SOX5: variants seen among roughly 807,000 people sequenced by gnomAD.
SOX5 encodes the protein SRY-box transcription factor 5.
A neutral mutation model predicts 92.0 loss-of-function variants in SOX5; 9 were observed. The ratio of observed to expected loss-of-function variants is 0.10; its 90% CI spans 0.06 to 0.17. SOX5 has a LOEUF of 0.17. Ranked by LOEUF, SOX5 falls within the 10% of genes least tolerant of loss-of-function variation. The pLI, the probability that SOX5 is intolerant of heterozygous loss-of-function variation, is 1.00. For synonymous variants in SOX5, 344 were observed against 336.3 expected, an observed-to-expected ratio of 1.02 and a Z score of -0.25; for missense variants, 642 against 944.5, an observed-to-expected ratio of 0.68 and a Z score of 4.20.
intron 1 of SOX5, among the ~76,000 whole-genome samples, chr12:24,481,536 A>G (rs1162628679): frequency 6.6e-6 from 1 of 152,210 alleles, no homozygotes; most frequent in Non-Finnish European, 1.5e-5. Context: ...TGTACCCCAT[A>G]AATATATATA....
At chr12:24,282,703 C>T (rs893170001) in intron 2 of SOX5, among the ~76,000 whole-genome samples, 1 of 152,160 alleles carries the variant, frequency 6.6e-6, no homozygotes. Context: ...ACAAAACCCT[C>T]GAAGGATGGT....
intron 8 of SOX5, among the ~76,000 whole-genome samples, chr12:23,631,734 C>T (rs1044341531): frequency 2.6e-5 from 4 of 151,994 alleles, no homozygotes; most frequent in Non-Finnish European, 2.9e-5. Context: ...TTTATTTAAT[C>T]GACCATTACA....
chr12:24,339,642 A>C (rs1439671041), intron 2 of SOX5, among the ~76,000 whole-genome samples: 1 of 152,236 alleles, frequency 6.6e-6, no homozygotes, highest in Non-Finnish European at 1.5e-5. Context: ...ATGATTGTAT[A>C]AAAGAAAACT....
At chr12:24,204,049 C>T (rs1957785067) in intron 4 of SOX5, among the ~76,000 whole-genome samples, 1 of 152,014 alleles carries the variant, frequency 6.6e-6, no homozygotes, top group African/African-American at 2.4e-5. Context: ...CTCCCTATTC[C>T]CATTCTCTCT....
Position 24,153,955 on chromosome 12 carries a change from G to A in SOX5, c.-2+59388C>T, listed in dbSNP as rs145653865. Among the ~76,000 whole-genome samples the A allele has an allele frequency of 1.8e-3, 276 of 152,176 alleles. 2 individuals carry two copies. The highest frequency in any genetic ancestry group is 6.3e-3 in the African/African-American group (263 of 41,548). ...CTCTCCCCAATCCCTGAGACCTTCA[G>A]TCTCTCTCTAGAAGTAAATTCGGAG... On this transcript the variant is annotated intron_variant, in intron 4 of 4. Transcript: ENST00000446891.
intron 4 of SOX5, among the ~76,000 whole-genome samples, chr12:24,210,842 T>C (rs1434518290): frequency 6.6e-6 from 1 of 152,350 alleles, no homozygotes; most frequent in East Asian, 1.9e-4. Flanking sequence ...TTATTAAATC[T>C]ATTTTTACTC....
At chr12:23,888,301 G>A (rs148484456) in intron 2 of SOX5, among the ~76,000 whole-genome samples, 43 of 152,138 alleles carry the variant, frequency 2.8e-4, no homozygotes, top group African/African-American at 9.9e-4. Flanking sequence ...CCATTACCAC[G>A]GCATTGGAAG....
At chr12:24,480,398 A>T (rs4441108) in intron 1 of SOX5, among the ~76,000 whole-genome samples, 95,503 of 151,974 alleles carry the variant, frequency 0.63, 30,898 homozygotes, top group East Asian at 0.98. Context: ...AAAGCAAAAA[A>T]GAACAAATGA....
Position 23,619,211 on chromosome 12 carries a change from T to C in SOX5, c.1018-14678A>G, listed in dbSNP as rs529716835. On this transcript the variant is annotated intron_variant, in intron 8 of 14. Transcript: ENST00000451604. ...CACATACAAATATTAGTTTTGGCTCTTTGAGTATACAAATTATGCTAAATA... is the reference window on the plus strand; with the variant it reads ...CACATACAAATATTAGTTTTGGCTCCTTGAGTATACAAATTATGCTAAATA... Among the ~76,000 whole-genome samples, 15 of 152,280 alleles carry C rather than the reference T, an allele frequency of 9.9e-5. No individual in the cohort carries two copies. In the East Asian group the frequency reaches 2.9e-3, roughly 29 times the overall value.
At chr12:23,779,814 T>TATATATATACACACACACAC (rs777013504) in intron 3 of SOX5, among the ~76,000 whole-genome samples, 5 of 110,810 alleles carry the variant, frequency 4.5e-5, no homozygotes, top group Admixed American at 1.7e-4. Flanking sequence ...TATATATATA[T>TATATATATACACACACACAC]ACACACACAC....
chr12:24,307,450 A>AAGGAAGG lies in SOX5; in HGVS notation c.-173-30139_-173-30138insCCTTCCT, dbSNP rs1948695385. Among the ~76,000 whole-genome samples, 16 of 118,634 alleles carry AAGGAAGG rather than the reference A, an allele frequency of 1.3e-4. No individual in the cohort carries two copies. In the East Asian group the frequency reaches 2.4e-3, roughly 18 times the overall value. The allele number at this position is 118,634 out of a possible 152,430, so 77.8% of individuals were successfully genotyped here. On this transcript the variant is annotated intron_variant, in intron 2 of 4. Coordinates refer to the SOX5 transcript ENST00000446891. ...TTCTCATTTAGTACTGTATAGCTGG[A>AAGGAAGG]AAGGAAGGAAGGAAGGAAGGAAGGA...
At chr12:24,519,217 A>G (rs1950060289) in intron 1 of SOX5, among the ~76,000 whole-genome samples, 1 of 152,108 alleles carries the variant, frequency 6.6e-6, no homozygotes, top group Non-Finnish European at 1.5e-5. Flanking sequence ...CATTCACTCA[A>G]AAATATTTAC....
chr12:23,880,462 A>G (rs151177983), intron 2 of SOX5, among the ~76,000 whole-genome samples: 1 of 152,328 alleles, frequency 6.6e-6, no homozygotes, highest in East Asian at 1.9e-4. Flanking sequence ...GAGAAAAAAA[A>G]TTCTTACCAT....
At chr12:24,246,490 T>C (rs1938754251) in intron 3 of SOX5, among the ~76,000 whole-genome samples, 1 of 152,044 alleles carries the variant, frequency 6.6e-6, no homozygotes, top group African/African-American at 2.4e-5. Context: ...CATTCTCATG[T>C]TATCAACTTT....
At chr12:24,495,328 T>C (rs1947519736) in intron 1 of SOX5, among the ~76,000 whole-genome samples, 18 of 152,174 alleles carry the variant, frequency 1.2e-4, no homozygotes, top group Admixed American at 1.2e-3. Context: ...CAGTATGAAG[T>C]AGGTTCAGAA....
intron 1 of SOX5, among the ~76,000 whole-genome samples, chr12:23,926,540 A>C (rs568596600): frequency 6.6e-6 from 1 of 151,382 alleles, no homozygotes; most frequent in Non-Finnish European, 1.5e-5. Flanking sequence ...ATCTGAACTT[A>C]TGGATTATGT....
chr12:24,076,823 AT>A (rs1252103158), intron 4 of SOX5, among the ~76,000 whole-genome samples: 7 of 151,800 alleles, frequency 4.6e-5, no homozygotes, highest in Admixed American at 2.0e-4. Context: ...CTTAAAAAAA[AT>A]AAAATCCAAA....
At chr12:24,507,121 T>G (rs1334566721) in intron 1 of SOX5, among the ~76,000 whole-genome samples, 1 of 151,960 alleles carries the variant, frequency 6.6e-6, no homozygotes, top group Non-Finnish European at 1.5e-5. Context: ...ATGAATGAAA[T>G]AAAATTCTTC....
At chr12:24,110,447 T>C (rs1282142916) in intron 4 of SOX5, among the ~76,000 whole-genome samples, 2 of 152,190 alleles carry the variant, frequency 1.3e-5, no homozygotes, top group Admixed American at 6.5e-5. Flanking sequence ...GATAAACAAA[T>C]GGATGACTGA....
Sources: allele counts gnomAD v4.1 joint callset (sites outside exome capture counted in the v4.1 genomes callset), GRCh38; gene constraint gnomAD v4.1.1; transcripts MANE v1.5; gene names NCBI Gene and HGNC (gene_info 2026-07-23, HGNC 2026-07-21).